C10orf67: variants seen among roughly 807,000 people sequenced by gnomAD.
C10orf67 encodes uncharacterized protein C10orf67, mitochondrial.
C10orf67 carries 60 observed loss-of-function variants against 35.6 expected under a neutral mutation model. That is an observed-to-expected ratio of 1.68 (90% CI 1.37 to 2.09). The LOEUF (loss-of-function observed/expected upper bound fraction) is 2.09. Among genes scored for constraint, C10orf67 ranks in the 30% most tolerant of loss-of-function variants. The pLI is 0.00. For missense variants in C10orf67, 474 were observed against 330.2 expected, an observed-to-expected ratio of 1.44 and a Z score of -3.38; for synonymous variants, 167 against 115.8, an observed-to-expected ratio of 1.44 and a Z score of -2.84.
intron 12 of C10orf67, among the ~76,000 whole-genome samples, chr10:23,244,870 T>C (rs1316343252): frequency 6.6e-6 from 1 of 152,144 alleles, no homozygotes; most frequent in African/African-American, 2.4e-5. Context: ...TATGGAAACA[T>C]AGAAGACCCC....
chr10:23,207,850 C>A (rs543339481), intron 15 of C10orf67, among the ~76,000 whole-genome samples: 1 of 152,168 alleles, frequency 6.6e-6, no homozygotes, highest in East Asian at 1.9e-4. Flanking sequence ...ATTGGTGAAA[C>A]GGCACCAAAT....
At chr10:23,204,853 G>A (rs1243123497) in intron 15 of C10orf67, among the ~76,000 whole-genome samples, 1 of 152,186 alleles carries the variant, frequency 6.6e-6, no homozygotes, top group Non-Finnish European at 1.5e-5. Flanking sequence ...TGAGGAAAGC[G>A]TTGGGGGTCT....
intron 2 of C10orf67, among the ~76,000 whole-genome samples, chr10:23,326,410 T>G (rs1203923869): frequency 6.6e-6 from 1 of 152,166 alleles, no homozygotes; most frequent in Non-Finnish European, 1.5e-5. Context: ...AAACACAACT[T>G]GTCAACCCGG....
In C10orf67 at chr10:23,344,639, G is replaced by A. The variant is rs1275500696; in HGVS notation, c.136C>T (p.Arg46Trp). 2 of 1,580,782 alleles carry A rather than the reference G, an allele frequency of 1.3e-6. No individual in the cohort carries two copies. The highest frequency in any genetic ancestry group is 8.6e-7 in the Non-Finnish European group (1 of 1,164,012). ...EAMKAKATEL[R>W]VCCARRKREA... ...CGCTTCCTACGCGCGCAGCAGACCCGCAGCTCGGTGGCCTTGGCTTTCATG... is the reference window on the plus strand; with the variant it reads ...CGCTTCCTACGCGCGCAGCAGACCCACAGCTCGGTGGCCTTGGCTTTCATG... Residue 46 changes from arginine (R) to tryptophan (W), a missense_variant, in exon 1 of 16, where the codon CGG becomes TGG. Arg to Trp is a moderately radical substitution (Grantham distance 101). Coordinates refer to ENST00000636213, the MANE Select transcript of C10orf67 (RefSeq NM_001371909.1).
intron 15 of C10orf67, among the ~76,000 whole-genome samples, chr10:23,219,348 C>G (rs1841515346): frequency 6.6e-6 from 1 of 152,152 alleles, no homozygotes. Context: ...AGATTCGTGT[C>G]TTTTGGGCTC....
At chr10:23,324,918 A>G (rs991338610) in intron 2 of C10orf67, among the ~76,000 whole-genome samples, 1 of 152,192 alleles carries the variant, frequency 6.6e-6, no homozygotes, top group Non-Finnish European at 1.5e-5. Context: ...TAGTATCCTC[A>G]TACTATATAG....
intron 2 of C10orf67, among the ~76,000 whole-genome samples, chr10:23,326,909 G>A (rs1454777928): frequency 6.6e-6 from 1 of 152,018 alleles, no homozygotes; most frequent in Non-Finnish European, 1.5e-5. Context: ...ATCTAAACAA[G>A]CATTAATTGC....
chr10:23,202,313 T>C (rs1400726658), downstream of C10orf67: 2 of 152,240 alleles, frequency 1.3e-5, no homozygotes, highest in Non-Finnish European at 2.9e-5. Flanking sequence ...TTGCCAGCTT[T>C]CTGAAATGCT....
intron 2 of C10orf67, 53 bp downstream of exon 2, chr10:23,333,009 G>A: frequency 6.4e-7 from 1 of 1,560,360 alleles, no homozygotes; most frequent in Non-Finnish European, 8.7e-7. Context: ...GAAACATGAA[G>A]GCAATTAACG....
chr10:23,256,520 G>T (rs1842606317), intron 10 of C10orf67, among the ~76,000 whole-genome samples: 1 of 152,100 alleles, frequency 6.6e-6, no homozygotes, highest in African/African-American at 2.4e-5. Flanking sequence ...CAGTTCATAG[G>T]TCTCGTCTAC....
intron 4 of C10orf67, chr10:23,317,315 G>C (rs553147953): frequency 1.3e-5 from 2 of 152,412 alleles, no homozygotes; most frequent in Non-Finnish European, 1.5e-5. Context: ...GGCAGCAGGA[G>C]TAGGCACTTC....
chr10:23,241,658 A>G (rs1246205226), intron 12 of C10orf67, among the ~76,000 whole-genome samples: 1 of 152,178 alleles, frequency 6.6e-6, no homozygotes, highest in Non-Finnish European at 1.5e-5. Flanking sequence ...AGTGGGCCCA[A>G]TGTAATCACA....
Position 23,266,884 on chromosome 10 carries a change from C to T in C10orf67, c.1035+311G>A, listed in dbSNP as rs377131827. 1.9e-4 allele frequency among the ~76,000 whole-genome samples: 29 copies of T among 152,244 alleles called. No homozygotes were observed. In the South Asian group the frequency reaches 4.8e-3, roughly 25 times the overall value. On this transcript the variant is annotated intron_variant, in intron 9 of 15. Transcript: ENST00000636213. ...TCTCAACAATCAGCTCCTGATCTCC[C>T]ATTCACACTTCTTGCCCCACTTTAT...
At chr10:23,213,709 C>T (rs1201866268) in intron 15 of C10orf67, among the ~76,000 whole-genome samples, 2 of 151,858 alleles carry the variant, frequency 1.3e-5, no homozygotes, top group Non-Finnish European at 2.9e-5. Flanking sequence ...AGAAAAGAAA[C>T]ACAGCTTTCA....
chr10:23,298,051 C>T (rs761670716), intron 5 of C10orf67, among the ~76,000 whole-genome samples: 1 of 151,998 alleles, frequency 6.6e-6, no homozygotes, highest in Non-Finnish European at 1.5e-5. Flanking sequence ...GTCAGGAGAT[C>T]GAGACCATCC....
Position 23,320,789 on chromosome 10 carries a change from G to C in C10orf67, c.498C>G (p.Phe166Leu). The C allele has an allele frequency of 6.3e-7, 1 of 1,588,994 alleles. No individual in the cohort carries two copies. The highest frequency in any genetic ancestry group is 8.6e-7 in the Non-Finnish European group (1 of 1,166,750). The change falls in exon 4 of 16, where the codon TTC becomes TTG. Residue 166 changes from phenylalanine (F) to leucine (L), a missense_variant. Physicochemically the swap from Phe to Leu is conservative, Grantham distance 22 (BLOSUM62 0). Coordinates refer to ENST00000636213, the MANE Select transcript of C10orf67 (RefSeq NM_001371909.1). ...QQNEDKMRKS[F>L]NQQLADAIAV... is the part of the protein sequence containing the mutation. ...CTATGGCATCAGCTAACTGCTGATT[G>C]AAGGATTTTCTCATCTTATCCTCAT... is the stretch of plus-strand genomic sequence containing the variant.
intron 4 of C10orf67, chr10:23,316,928 T>C (rs548139250): frequency 6.6e-6 from 1 of 152,408 alleles, no homozygotes; most frequent in East Asian, 1.9e-4. Flanking sequence ...AAAAGCACCA[T>C]AAGTTCTCAC....
chr10:23,221,065 GCTGCTATAAAGAACTAC>G (rs540380871), intron 15 of C10orf67, among the ~76,000 whole-genome samples: 1 of 152,200 alleles, frequency 6.6e-6, no homozygotes, highest in South Asian at 2.1e-4. Context: ...CCATTCTCAT[GCTGCTATAAAGAACTAC>G]CTGAGACTGG....
chr10:23,255,566 T>C (rs932185729), intron 10 of C10orf67, among the ~76,000 whole-genome samples: 2 of 152,202 alleles, frequency 1.3e-5, no homozygotes, highest in Admixed American at 1.3e-4. Context: ...TGTGTTCATG[T>C]GTTCATGTAG....
Sources: allele counts gnomAD v4.1 joint callset (sites outside exome capture counted in the v4.1 genomes callset), GRCh38; gene constraint gnomAD v4.1.1; transcripts MANE v1.5; gene names NCBI Gene and HGNC (gene_info 2026-07-23, HGNC 2026-07-21).